The following GTF2A1 variants were observed in gnomAD, a reference collection of about 807,000 sequenced individuals.
GTF2A1 encodes general transcription factor IIA subunit 1.
Under a neutral mutation model 54.1 loss-of-function variants are expected in GTF2A1, and 12 were observed. That is an observed-to-expected ratio of 0.22 (90% CI 0.14 to 0.36). The LOEUF (loss-of-function observed/expected upper bound fraction) is 0.36, where lower values mean the gene tolerates loss of function less well. Among genes scored for constraint, GTF2A1 ranks in the 10% least tolerant of loss-of-function variants. GTF2A1 has a pLI of 1.00. For synonymous variants in GTF2A1, 145 were observed against 152.0 expected (o/e 0.95, Z 0.34); for missense variants, 335 against 442.2 (o/e 0.76, Z 2.17).
Position 81,189,340 on chromosome 14 carries a change from T to C in GTF2A1, c.933+3179A>G, listed in dbSNP as rs1595211035. The stretch of plus-strand genomic sequence containing the variant: ...ACAAGAAGAAATATATCAACTACCA[T>C]AGCAGGAAACATGAACATATCTCAC... On this transcript the variant is annotated intron_variant, in intron 7 of 8. Coordinates refer to ENST00000553612, the MANE Select transcript of GTF2A1 (RefSeq NM_015859.4). Among the ~76,000 whole-genome samples the C allele has an allele frequency of 3.3e-5, 5 of 152,100 alleles. No homozygotes were observed. The South Asian group carries it at 1.0e-3, about 32-fold the overall frequency.
chr14:81,203,057 C>CA (rs1160466032), intron 3 of GTF2A1, among the ~76,000 whole-genome samples: 1 of 152,132 alleles, frequency 6.6e-6, no homozygotes, highest in East Asian at 1.9e-4. Flanking sequence ...CCCATAAAAG[C>CA]AGATGCACTG....
chr14:81,211,900 T>TATATATAC (rs1893378158), intron 2 of GTF2A1, among the ~76,000 whole-genome samples: 1 of 126,862 alleles, frequency 7.9e-6, no homozygotes, highest in Admixed American at 8.0e-5. Context: ...TATATATATA[T>TATATATAC]ATATATATAA....
At chr14:81,199,170 A>G (rs545264071) in intron 4 of GTF2A1, among the ~76,000 whole-genome samples, 2 of 152,336 alleles carry the variant, frequency 1.3e-5, no homozygotes, top group East Asian at 3.9e-4. Flanking sequence ...TCATATTTTG[A>G]AAGACAGCAA....
In GTF2A1 at chr14:81,207,026, G is replaced by A. The variant is rs59762350; in HGVS notation, c.133-2922C>T. Among the ~76,000 whole-genome samples the A allele has an allele frequency of 5.5e-3, 838 of 152,226 alleles. 4 individuals carry two copies. Among genetic ancestry groups the A allele is most frequent in the African/African-American group, 0.02 (813 of 41,534 alleles). ...CTAGTCAAGAAGTTTGAGAAACACT[G>A]TTCTACACTGTTATCAAGGCGAATT... On this transcript the variant is annotated intron_variant, in intron 2 of 8. Coordinates refer to ENST00000553612, the MANE Select transcript of GTF2A1 (RefSeq NM_015859.4).
chr14:81,176,483 T>A lies in GTF2A1; in HGVS notation c.*3740A>T, dbSNP rs904650313. The A allele has an allele frequency of 3.3e-5, 5 of 152,170 alleles. No individual in the cohort carries two copies. Among genetic ancestry groups the A allele is most frequent in the African/African-American group, 9.6e-5 (4 of 41,454 alleles). 9.4% of individuals were successfully genotyped at this position (152,170 alleles called of 1,614,324 possible). A position where few individuals can be genotyped will look rare whatever the true frequency, so the allele number is the denominator to read the frequency against. On this transcript the variant is annotated 3_prime_UTR_variant, in exon 9 of 9. Transcript: ENST00000553612. The stretch of plus-strand genomic sequence containing the variant: ...TGAAAGAGTAGTTACTAACTCAATG[T>A]GTAGTAACTTCCCTTAAAAGAGAAA...
chr14:81,214,507 G>A (rs112696321), intron 2 of GTF2A1, among the ~76,000 whole-genome samples: 5,271 of 151,974 alleles, frequency 0.035, 303 homozygotes, highest in African/African-American at 0.12. Context: ...TTAGCCAGGC[G>A]TCGTGGCGGG....
At chr14:81,182,604 A>AATAATATTTCATAT (rs368841775) in intron 8 of GTF2A1, among the ~76,000 whole-genome samples, 98 of 152,318 alleles carry the variant, frequency 6.4e-4, no homozygotes, top group African/African-American at 2.2e-3. Flanking sequence ...GAATTATTAT[A>AATAATATTTCATAT]ATATCCCCCT....
chr14:81,180,138 G>T lies in GTF2A1; in HGVS notation c.*85C>A. On this transcript the variant is annotated 3_prime_UTR_variant, in exon 9 of 9. Transcript: ENST00000553612. ...TTCTGACATGCAGAAACGAAGTTTTGGTTGGCATATGCCCCAAGTTTCAAA... is the reference window on the plus strand; with the variant it reads ...TTCTGACATGCAGAAACGAAGTTTTTGTTGGCATATGCCCCAAGTTTCAAA... The T allele has an allele frequency of 1.7e-6, 1 of 598,808 alleles. No homozygotes were observed. The highest frequency in any genetic ancestry group is 3.0e-6 in the Non-Finnish European group (1 of 331,338). The allele number at this position is 598,808 out of a possible 1,614,324, so 37.1% of individuals were successfully genotyped here.
intron 4 of GTF2A1, among the ~76,000 whole-genome samples, chr14:81,198,391 C>G (rs1893034708): frequency 6.6e-6 from 1 of 152,160 alleles, no homozygotes; most frequent in Admixed American, 6.5e-5. Context: ...TTGCAGTGAG[C>G]CGAGATTGTG....
At position 81,197,461 on chromosome 14, in the gene GTF2A1, G is replaced by C. The variant is rs765751598; in HGVS notation, c.426C>G (p.Thr142=). 4 of 1,587,208 alleles carry C rather than the reference G, an allele frequency of 2.5e-6. No individual in the cohort carries two copies. The highest frequency in any genetic ancestry group is 3.4e-6 in the Non-Finnish European group (4 of 1,161,184). Residue 142 remains threonine (T), a synonymous_variant, in exon 5 of 9, where the codon ACC becomes ACG. Coordinates refer to ENST00000553612, the MANE Select transcript of GTF2A1 (RefSeq NM_015859.4). ...SNMSAAATAA[T]LALPAGVTPV... is the part of the protein sequence containing the mutation. The stretch of plus-strand genomic sequence containing the variant: ...GAGTCACACCTGCAGGGAGTGCTAA[G>C]GTAGCAGCTGTAGCAGCAGCACTCT...
intron 2 of GTF2A1, among the ~76,000 whole-genome samples, chr14:81,214,004 A>C (rs1232359824): frequency 6.6e-6 from 1 of 151,866 alleles, no homozygotes; most frequent in Admixed American, 6.6e-5. Context: ...CACCATGCCC[A>C]GCTAATTTTT....
chr14:81,187,621 T>C (rs950484094), intron 7 of GTF2A1, among the ~76,000 whole-genome samples: 6 of 152,204 alleles, frequency 3.9e-5, no homozygotes, highest in Admixed American at 3.9e-4. Flanking sequence ...ATATGTGGCG[T>C]TGTGTGGCTG....
chr14:81,201,546 G>C, intron 4 of GTF2A1, 48 bp downstream of exon 4: 1 of 1,075,330 alleles, frequency 9.3e-7, no homozygotes, highest in Non-Finnish European at 1.4e-6. Context: ...TTACAATGTG[G>C]GTTAGAATTA....
At position 81,209,774 on chromosome 14, in the gene GTF2A1, C is replaced by A. The variant is rs563820226; in HGVS notation, c.133-5670G>T. On this transcript the variant is annotated intron_variant, in intron 2 of 8. Transcript: ENST00000553612. Reference sequence around the variant, plus strand: ...CGATCAGCAGTTTTCTCCCACAATTCCCTATACAAGACAAATGTCAAAGTC... The same window carrying A: ...CGATCAGCAGTTTTCTCCCACAATTACCTATACAAGACAAATGTCAAAGTC... 8 of 420,358 alleles carry A rather than the reference C, an allele frequency of 1.9e-5. No individual in the cohort carries two copies. In the East Asian group the frequency reaches 5.8e-4, roughly 30 times the overall value. 26.0% of individuals were successfully genotyped at this position (420,358 alleles called of 1,614,324 possible).
At chr14:81,202,363 G>C (rs9806027) in intron 3 of GTF2A1, among the ~76,000 whole-genome samples, 79,004 of 152,020 alleles carry the variant, frequency 0.52, 20,673 homozygotes, top group Middle Eastern at 0.59. Context: ...ACTAGTTTTT[G>C]AAATCTACAT....
chr14:81,187,354 CAAA>C (rs112765325), intron 7 of GTF2A1, among the ~76,000 whole-genome samples: 2 of 103,696 alleles, frequency 1.9e-5, no homozygotes. Flanking sequence ...AACTCCGTCT[CAAA>C]AAAAAAAAAA....
intron 1 of GTF2A1, among the ~76,000 whole-genome samples, chr14:81,216,885 A>G (rs1159941760): frequency 6.6e-6 from 1 of 152,136 alleles, no homozygotes; most frequent in Non-Finnish European, 1.5e-5. Flanking sequence ...TTACTACCTC[A>G]CCACTGTATC....
At chr14:81,197,523 T>C in intron 4 of GTF2A1, 39 bp from the exon 5 acceptor site, 1 of 1,014,510 alleles carries the variant, frequency 9.9e-7, no homozygotes, top group South Asian at 1.4e-5. Context: ...ACCACATACA[T>C]GTATAATACT....
At chr14:81,198,758 A>G (rs1214210570) in intron 4 of GTF2A1, among the ~76,000 whole-genome samples, 2 of 152,232 alleles carry the variant, frequency 1.3e-5, no homozygotes, top group Non-Finnish European at 2.9e-5. Flanking sequence ...ATATCTGAAA[A>G]AGCTTAAAAA....
Sources: gnomAD v4.1 joint callset for allele counts (sites outside exome capture counted in the v4.1 genomes callset) on GRCh38, gnomAD v4.1.1 for gene constraint, MANE v1.5 for transcripts, NCBI Gene and HGNC (gene_info 2026-07-23, HGNC 2026-07-21) for gene names.